The following EMC2 variants were observed in gnomAD, a reference collection of about 807,000 sequenced individuals.
EMC2 encodes TPR repeat protein 35.
Under a neutral mutation model 51.6 loss-of-function variants are expected in EMC2, and 37 were observed. The ratio of observed to expected loss-of-function variants is 0.72; its 90% CI spans 0.55 to 0.94. The LOEUF is 0.94. Among genes scored for constraint, EMC2 ranks in the 40% least tolerant of loss-of-function variants. The probability of loss-of-function intolerance (pLI) is 0.00; values close to 1 mark genes in which losing one functional copy is unlikely to be tolerated. For synonymous variants in EMC2, 131 were observed against 112.4 expected (o/e 1.17, Z -1.04); for missense variants, 359 against 350.9 (o/e 1.02, Z -0.18).
At chr8:108,459,915 C>T (rs539785415) in intron 5 of EMC2, among the ~76,000 whole-genome samples, 47 of 152,136 alleles carry the variant, frequency 3.1e-4, no homozygotes, top group Middle Eastern at 3.4e-3. Flanking sequence ...GAGAATAAAA[C>T]GTTAAAATTG....
intron 9 of EMC2, among the ~76,000 whole-genome samples, chr8:108,478,423 G>A (rs1020287132): frequency 1.3e-5 from 2 of 151,996 alleles, no homozygotes; most frequent in Non-Finnish European, 2.9e-5. Flanking sequence ...AAAACTCATG[G>A]TATAGTGAAA....
intron 9 of EMC2, among the ~76,000 whole-genome samples, chr8:108,478,191 A>G (rs539369848): frequency 2.0e-5 from 3 of 152,104 alleles, no homozygotes; most frequent in Non-Finnish European, 4.4e-5. Flanking sequence ...TTTGAATCAC[A>G]TGGTCATATT....
chr8:108,459,771 T>C (rs1458421177), intron 5 of EMC2, among the ~76,000 whole-genome samples: 2 of 151,460 alleles, frequency 1.3e-5, no homozygotes, highest in Non-Finnish European at 1.5e-5. Flanking sequence ...TTGTTCTAGA[T>C]AGCTGAGAAC....
intron 7 of EMC2, among the ~76,000 whole-genome samples, chr8:108,472,608 T>A (rs1030127815): frequency 6.6e-6 from 1 of 151,582 alleles, no homozygotes; most frequent in Admixed American, 6.6e-5. Context: ...TATCTACAGG[T>A]TTTTTTGAAA....
intron 8 of EMC2, 132 bp from the exon 9 acceptor site, chr8:108,476,650 T>A (rs1214779693): frequency 2.0e-6 from 1 of 490,784 alleles, no homozygotes; most frequent in Admixed American, 3.7e-5. Flanking sequence ...TTTAGGTGAA[T>A]TCTTTTAACA....
At chr8:108,450,607 C>A in intron 3 of EMC2, 115 bp downstream of exon 3, 1 of 734,294 alleles carries the variant, frequency 1.4e-6, no homozygotes, top group Non-Finnish European at 2.5e-6. Flanking sequence ...GAGTGCTACT[C>A]TGAACAGTAA....
chr8:108,454,852 T>C (rs1463542749), intron 4 of EMC2, among the ~76,000 whole-genome samples: 2 of 152,098 alleles, frequency 1.3e-5, no homozygotes, highest in African/African-American at 2.4e-5. Context: ...GGATACAGAA[T>C]TCTAAGTTGG....
At chr8:108,474,372 T>A (rs961571659) in intron 7 of EMC2, 1 of 151,976 alleles carries the variant, frequency 6.6e-6, no homozygotes, top group African/African-American at 2.4e-5. Flanking sequence ...AGAGACAAAT[T>A]TTCCCTTTTC....
At chr8:108,485,987 TAATA>T (rs1811130974) in intron 10 of EMC2, among the ~76,000 whole-genome samples, 1 of 151,854 alleles carries the variant, frequency 6.6e-6, no homozygotes, top group Non-Finnish European at 1.5e-5. Flanking sequence ...TTTAGTTAAC[TAATA>T]AATCTGGAAA....
chr8:108,482,570 TATTTTTA>T (rs1811062659), intron 10 of EMC2, among the ~76,000 whole-genome samples: 1 of 150,238 alleles, frequency 6.7e-6, no homozygotes, highest in African/African-American at 2.5e-5. Context: ...GGAATTGATT[TATTTTTA>T]ATTTTTAATT....
intron 10 of EMC2, among the ~76,000 whole-genome samples, chr8:108,481,236 A>G (rs1479390345): frequency 6.6e-6 from 1 of 151,962 alleles, no homozygotes; most frequent in Non-Finnish European, 1.5e-5. Context: ...AATTGAGAAG[A>G]TTTTACAAAT....
chr8:108,469,689 A>G, intron 5 of EMC2, 137 bp from the exon 6 acceptor site: 1 of 649,656 alleles, frequency 1.5e-6, no homozygotes, highest in Non-Finnish European at 2.7e-6. Context: ...GGGTATGTTT[A>G]TAAACTCCCA....
At position 108,488,051 on chromosome 8, in the gene EMC2, A is replaced by G. The variant is rs767770794; in HGVS notation, c.*1453A>G. Among the ~76,000 whole-genome samples, 104 of 151,904 alleles carry G rather than the reference A, an allele frequency of 6.8e-4. No individual in the cohort carries two copies. The highest frequency in any genetic ancestry group is 1.2e-3 in the Non-Finnish European group (79 of 67,990). On this transcript the variant is annotated 3_prime_UTR_variant, in exon 11 of 11. Transcript: ENST00000220853. ...AATAGTGCCTGCACGTTGTTTCACT[A>G]CCTTTTCCCCTTCAAACCTCCTCCC...
intron 9 of EMC2, among the ~76,000 whole-genome samples, chr8:108,477,895 A>G (rs2130405898): frequency 6.6e-6 from 1 of 152,180 alleles, no homozygotes; most frequent in East Asian, 1.9e-4. Context: ...AGGTGCTCTC[A>G]ATACTATCCT....
chr8:108,486,590 C>T lies in EMC2; in HGVS notation c.886C>T (p.Gln296Ter), dbSNP rs368291547. 39 of 1,604,394 alleles carry T rather than the reference C, an allele frequency of 2.4e-5. No homozygotes were observed. The East Asian group carries it at 6.3e-4, about 26-fold the overall frequency. The change falls in exon 11 of 11, where the codon CAG becomes TAG. Residue 296 changes from glutamine (Q) to a stop codon, truncating the protein, a stop_gained. Transcript: ENST00000220853. LOFTEE classifies it high-confidence loss of function. ...EDMLETLQIT[Q>*]S ...CATGTTGGAAACATTGCAGATCACCCAGTCTTAAGGTTTCAAAAACTCTTT... is the reference window on the plus strand; with the variant it reads ...CATGTTGGAAACATTGCAGATCACCTAGTCTTAAGGTTTCAAAAACTCTTT...
chr8:108,478,407 A>G (rs1342415303), intron 9 of EMC2, among the ~76,000 whole-genome samples: 2 of 152,058 alleles, frequency 1.3e-5, no homozygotes, highest in African/African-American at 2.4e-5. Context: ...TCTGAAACAC[A>G]GTTTGAAAAC....
chr8:108,450,305 A>G (rs1433738336), intron 2 of EMC2, 123 bp from the exon 3 acceptor site: 23 of 674,114 alleles, frequency 3.4e-5, no homozygotes, highest in Admixed American at 1.7e-4. Context: ...AGATAATACA[A>G]TAAATCAGTT....
intron 3 of EMC2, 79 bp downstream of exon 3, chr8:108,450,571 A>G (rs1159884791): frequency 1.0e-5 from 9 of 862,716 alleles, no homozygotes; most frequent in Admixed American, 3.4e-5. Context: ...TATGGCTTAT[A>G]TGGAATGCTT....
chr8:108,480,196 A>T (rs1811021492), intron 10 of EMC2, among the ~76,000 whole-genome samples: 1 of 152,046 alleles, frequency 6.6e-6, no homozygotes, highest in African/African-American at 2.4e-5. Flanking sequence ...TAATACGTGT[A>T]TTAGACTTCA....
Sources: gnomAD v4.1 joint callset for allele counts (sites outside exome capture counted in the v4.1 genomes callset) on GRCh38, gnomAD v4.1.1 for gene constraint, MANE v1.5 for transcripts, NCBI Gene and HGNC (gene_info 2026-07-23, HGNC 2026-07-21) for gene names.